The following MAGI1 variants were observed in gnomAD, a reference collection of about 807,000 sequenced individuals.
MAGI1 encodes membrane-associated guanylate kinase, WW and PDZ domain-containing protein 1.
A neutral mutation model predicts 139.9 loss-of-function variants in MAGI1; 58 were observed. The ratio of observed to expected loss-of-function variants is 0.41; its 90% CI spans 0.34 to 0.52. MAGI1 has a LOEUF of 0.52. MAGI1 is among the 20% of genes least tolerant of loss of function. MAGI1 has a pLI of 0.12. For synonymous variants in MAGI1, 812 were observed against 737.9 expected, an observed-to-expected ratio of 1.10 and a Z score of -1.63; for missense variants, 1,874 against 1,901.6, an observed-to-expected ratio of 0.99 and a Z score of 0.27.
intron 1 of MAGI1, among the ~76,000 whole-genome samples, chr3:65,979,088 T>TTCCCCCC (rs377493475): frequency 7.5e-5 from 4 of 52,986 alleles, no homozygotes; most frequent in African/African-American, 2.8e-4. Flanking sequence ...TTTCTTTTCT[T>TTCCCCCC]CCCCCCCCCC....
Position 65,638,641 on chromosome 3 carries a change from G to A in MAGI1, c.314-16553C>T, listed in dbSNP as rs368935618. Among the ~76,000 whole-genome samples, 430 of 110,176 alleles carry A rather than the reference G, an allele frequency of 3.9e-3. 3 individuals carry two copies. Among genetic ancestry groups the A allele is most frequent in the African/African-American group, 0.014 (389 of 28,106 alleles). The allele number at this position is 110,176 out of a possible 152,430, so 72.3% of individuals were successfully genotyped here. ...TTTTTTTTTTTTCAGACAGAGTCTC[G>A]CTCTTTCACCCAGGCTGGAGTGCAG... On this transcript the variant is annotated intron_variant, in intron 1 of 22. Coordinates refer to ENST00000402939, the MANE Select transcript of MAGI1 (RefSeq NM_001033057.2).
chr3:65,453,579 AAAAAT>A (rs1949180764), intron 5 of MAGI1, among the ~76,000 whole-genome samples: 1 of 152,134 alleles, frequency 6.6e-6, no homozygotes, highest in Non-Finnish European at 1.5e-5. Context: ...TGAAAGCTTA[AAAAAT>A]AATACCAGTT....
In MAGI1 at chr3:65,616,827, A is replaced by G. The variant is rs73835607; in HGVS notation, c.430+5145T>C. ...ATTCCAGGAGACAAACTATTTTCCAACATCCAGTTCTTTATCCTGGACACT... is the reference window on the plus strand; with the variant it reads ...ATTCCAGGAGACAAACTATTTTCCAGCATCCAGTTCTTTATCCTGGACACT... On this transcript the variant is annotated intron_variant, in intron 2 of 22. Transcript: ENST00000402939. Among the ~76,000 whole-genome samples, 1,318 of 152,306 alleles carry G rather than the reference A, an allele frequency of 8.7e-3. 26 individuals carry two copies. The highest frequency in any genetic ancestry group is 0.031 in the African/African-American group (1,280 of 41,554).
chr3:65,920,876 A>G (rs1184218991), intron 1 of MAGI1, among the ~76,000 whole-genome samples: 1 of 152,110 alleles, frequency 6.6e-6, no homozygotes, highest in Non-Finnish European at 1.5e-5. Context: ...TAAAAATACA[A>G]AAAGTAGCTG....
chr3:65,935,060 G>C (rs573723784), intron 1 of MAGI1, among the ~76,000 whole-genome samples: 1 of 152,120 alleles, frequency 6.6e-6, no homozygotes, highest in Non-Finnish European at 1.5e-5. Flanking sequence ...GGAACTATTC[G>C]ATCAAAGAAG....
intron 1 of MAGI1, among the ~76,000 whole-genome samples, chr3:65,639,495 T>C (rs928621925): frequency 6.6e-6 from 1 of 150,874 alleles, no homozygotes; most frequent in Non-Finnish European, 1.5e-5. Context: ...TCTGGGAGGG[T>C]TGATTTTATG....
chr3:65,953,035 A>C (rs2063943496), intron 1 of MAGI1, among the ~76,000 whole-genome samples: 1 of 152,174 alleles, frequency 6.6e-6, no homozygotes, highest in South Asian at 2.1e-4. Flanking sequence ...GAGACAACTG[A>C]GGCTCAGGGA....
chr3:66,011,929 TAAAATGC>T (rs1223041175), intron 1 of MAGI1, among the ~76,000 whole-genome samples: 3 of 151,474 alleles, frequency 2.0e-5, no homozygotes, highest in Non-Finnish European at 4.4e-5. Flanking sequence ...CAAGGTCAAG[TAAAATGC>T]AATTCTAGCG....
chr3:65,867,932 T>C (rs887618088), intron 1 of MAGI1, among the ~76,000 whole-genome samples: 4 of 152,142 alleles, frequency 2.6e-5, no homozygotes, highest in African/African-American at 4.8e-5. Context: ...TGGGAACAGA[T>C]GGCAGTCCCA....
At chr3:65,493,101 C>T (rs1013136372) in intron 3 of MAGI1, among the ~76,000 whole-genome samples, 5 of 148,462 alleles carry the variant, frequency 3.4e-5, no homozygotes, top group East Asian at 2.0e-4. Flanking sequence ...AAAAAGTTTG[C>T]TTTATGAATC....
chr3:65,703,971 A>G (rs1323278855), intron 1 of MAGI1, among the ~76,000 whole-genome samples: 2 of 152,146 alleles, frequency 1.3e-5, no homozygotes, highest in Non-Finnish European at 2.9e-5. Flanking sequence ...GAATTCAGTG[A>G]GTTTTTTTGG....
chr3:65,885,792 T>C (rs1424125701), intron 1 of MAGI1, among the ~76,000 whole-genome samples: 1 of 152,190 alleles, frequency 6.6e-6, no homozygotes, highest in East Asian at 1.9e-4. Flanking sequence ...TTTTCCTTTA[T>C]AAATTACCCA....
At chr3:65,559,630 C>T (rs946617468) in intron 2 of MAGI1, among the ~76,000 whole-genome samples, 2 of 152,328 alleles carry the variant, frequency 1.3e-5, no homozygotes, top group Middle Eastern at 3.4e-3. Context: ...TCAGTCCACA[C>T]TCCTACAAGG....
chr3:66,008,448 C>T (rs978234489), intron 1 of MAGI1, among the ~76,000 whole-genome samples: 1 of 152,190 alleles, frequency 6.6e-6, no homozygotes, highest in African/African-American at 2.4e-5. Flanking sequence ...CACATGTAGG[C>T]ACTATACCTG....
At chr3:65,756,465 G>A (rs1320966087) in intron 1 of MAGI1, among the ~76,000 whole-genome samples, 1 of 152,114 alleles carries the variant, frequency 6.6e-6, no homozygotes, top group Admixed American at 6.5e-5. Context: ...TACTTCTCAT[G>A]GGGACCCTGC....
Position 65,356,240 on chromosome 3 carries a change from T to G in MAGI1, c.*138A>C. The G allele has an allele frequency of 1.3e-6, 1 of 757,362 alleles. No homozygotes were observed. Among genetic ancestry groups the G allele is most frequent in the Non-Finnish European group, 2.0e-6 (1 of 499,500 alleles). The allele number at this position is 757,362 out of a possible 1,614,324, so 46.9% of individuals were successfully genotyped here. ...ATATTTTTTCTTATAAGATTTCAAATGCATAAAATGTTTGTTGTTATTCAT... is the reference window on the plus strand; with the variant it reads ...ATATTTTTTCTTATAAGATTTCAAAGGCATAAAATGTTTGTTGTTATTCAT... On this transcript the variant is annotated 3_prime_UTR_variant, in exon 23 of 23. Coordinates refer to ENST00000402939, the MANE Select transcript of MAGI1 (RefSeq NM_001033057.2).
chr3:65,501,694 C>T (rs13317503), intron 2 of MAGI1, among the ~76,000 whole-genome samples: 2,466 of 152,054 alleles, frequency 0.016, 73 homozygotes, highest in African/African-American at 0.056. Context: ...CCTAACAATC[C>T]CACTCCTAAA....
At chr3:65,996,374 A>AT (rs927352495) in intron 1 of MAGI1, among the ~76,000 whole-genome samples, 70 of 151,738 alleles carry the variant, frequency 4.6e-4, no homozygotes, top group Admixed American at 1.7e-3. Context: ...GCAACACTTC[A>AT]TTTTTTTTTA....
intron 1 of MAGI1, among the ~76,000 whole-genome samples, chr3:65,670,223 A>G (rs565869622): frequency 6.6e-6 from 1 of 152,262 alleles, no homozygotes; most frequent in Non-Finnish European, 1.5e-5. Flanking sequence ...GGGAAAAAAC[A>G]TTGAAATCCA....
Sources: gnomAD v4.1 joint callset for allele counts (sites outside exome capture counted in the v4.1 genomes callset) on GRCh38, gnomAD v4.1.1 for gene constraint, MANE v1.5 for transcripts, NCBI Gene and HGNC (gene_info 2026-07-23, HGNC 2026-07-21) for gene names.